The following DDIAS variants were observed in gnomAD, a reference collection of about 807,000 sequenced individuals.
DDIAS encodes DNA damage induced apoptosis suppressor, also known as DNA damage-induced apoptosis suppressor protein.
A neutral mutation model predicts 15.7 loss-of-function variants in DDIAS; 14 were observed. The observed-to-expected ratio is 0.89, with a 90% CI of 0.59 to 1.39. DDIAS has a LOEUF of 1.39. Ranked by LOEUF, DDIAS falls within the 40% of genes most tolerant of loss-of-function variation. The pLI, the probability that DDIAS is intolerant of heterozygous loss-of-function variation, is 0.00. For synonymous variants in DDIAS, 355 were observed against 395.9 expected (o/e 0.90, Z 1.23); for missense variants, 1,035 against 1,130.9 (o/e 0.92, Z 1.22).
At chr11:82,930,127 T>A (rs758111826) in intron 4 of DDIAS, 30 bp from the exon 5 acceptor site, 46 of 1,329,132 alleles carry the variant, frequency 3.5e-5, no homozygotes, top group Middle Eastern at 1.8e-4. Flanking sequence ...AGTTCATTGC[T>A]TCACATTTTT....
Position 82,932,298 on chromosome 11 carries a change from G to A in DDIAS, c.960G>A (p.Lys320=). ...GTAAAGAACTTGGCTTACAAGCTAAGGAGCTGAGTGCAGTTCACAGCAGTC... is the reference window on the plus strand; with the variant it reads ...GTAAAGAACTTGGCTTACAAGCTAAAGAGCTGAGTGCAGTTCACAGCAGTC... The part of the protein sequence containing the change: ...KLGKELGLQA[K]ELSAVHSSHH... The change falls in exon 6 of 6, where the codon AAG becomes AAA. Residue 320 remains lysine (K), a synonymous_variant. Transcript: ENST00000533655. 1 of 1,613,990 alleles carries A rather than the reference G, an allele frequency of 6.2e-7. No individual in the cohort carries two copies.
In DDIAS at chr11:82,933,896, T is replaced by C; in HGVS notation, c.2558T>C (p.Phe853Ser). The C allele has an allele frequency of 6.2e-7, 1 of 1,613,990 alleles. No individual in the cohort carries two copies. Among genetic ancestry groups the C allele is most frequent in the Non-Finnish European group, 8.5e-7 (1 of 1,180,006 alleles). The change falls in exon 6 of 6, where the codon TTT (phenylalanine) becomes TCT (serine). Residue 853 changes from phenylalanine (F) to serine (S), a missense_variant. Coordinates refer to ENST00000533655, the MANE Select transcript of DDIAS (RefSeq NM_145018.4). ...SQPDVFNHYPFAECHETDSDE... is the reference protein window; with the variant it reads ...SQPDVFNHYPSAECHETDSDE... ...CCAGACGTTTTCAATCACTACCCTT[T>C]TGCTGAGTGCCATGAAACTGATAGT...
chr11:82,929,441 C>T (rs1448274610), intron 4 of DDIAS, among the ~76,000 whole-genome samples: 2 of 152,196 alleles, frequency 1.3e-5, no homozygotes, highest in African/African-American at 2.4e-5. Context: ...CGGTAGCTCA[C>T]GCCTGTAATC....
intron 1 of DDIAS, among the ~76,000 whole-genome samples, chr11:82,909,776 G>GTA (rs772414265): frequency 1.3e-5 from 2 of 152,124 alleles, no homozygotes; most frequent in African/African-American, 4.8e-5. Flanking sequence ...CCTTACTAAT[G>GTA]TATATATAAG....
chr11:82,932,136 C>G lies in DDIAS; in HGVS notation c.798C>G (p.Ala266=). 3 of 1,614,138 alleles carry G rather than the reference C, an allele frequency of 1.9e-6. No homozygotes were observed. The highest frequency in any genetic ancestry group is 2.5e-6 in the Non-Finnish European group (3 of 1,180,016). The part of the protein sequence containing the change: ...DDFSASEQSK[A]FGTLQQNRKS... ...TTTCAGCTTCAGAACAAAGTAAGGCCTTTGGTACTCTTCAGCAGAACAGAA... is the reference window on the plus strand; with the variant it reads ...TTTCAGCTTCAGAACAAAGTAAGGCGTTTGGTACTCTTCAGCAGAACAGAA... Residue 266 remains alanine, a synonymous_variant, in exon 6 of 6, where the codon GCC becomes GCG. Transcript: ENST00000533655.
At position 82,932,599 on chromosome 11, in the gene DDIAS, A is replaced by C; in HGVS notation, c.1261A>C (p.Ser421Arg). The change falls in exon 6 of 6, where the codon AGC becomes CGC. Residue 421 changes from serine (S) to arginine (R), a missense_variant. Ser to Arg is a moderately radical substitution (Grantham distance 110). Transcript: ENST00000533655. ...QIWDDLPFSE[S>R]LNKFLAVLES... Reference sequence around the variant, plus strand: ...TTGGGATGATCTGCCATTCTCTGAAAGCCTGAACAAGTTTCTGGCAGTTCT... The same window carrying C: ...TTGGGATGATCTGCCATTCTCTGAACGCCTGAACAAGTTTCTGGCAGTTCT... 6.2e-7 allele frequency: 1 copy of C among 1,614,170 alleles called. No individual in the cohort carries two copies. The highest frequency in any genetic ancestry group is 8.5e-7 in the Non-Finnish European group (1 of 1,180,026).
Position 82,929,703 on chromosome 11 carries a change from CA to C in DDIAS, c.276-438del, listed in dbSNP as rs35770177. 8.4e-3 allele frequency among the ~76,000 whole-genome samples: 721 copies of C among 86,256 alleles called. 2 individuals are homozygous for C. The highest frequency in any genetic ancestry group is 0.022 in the African/African-American group (444 of 20,358). 56.6% of individuals were successfully genotyped at this position (86,256 alleles called of 152,430 possible). On this transcript the variant is annotated intron_variant, in intron 4 of 5. Coordinates refer to ENST00000533655, the MANE Select transcript of DDIAS (RefSeq NM_145018.4). ...TGGGAGACAGAGCGAGACTCTGTCT[CA>C]AAAAAAAAAAAAAAAGCTTTTCTTC...
intron 3 of DDIAS, among the ~76,000 whole-genome samples, chr11:82,922,437 T>C (rs1860773234): frequency 6.6e-6 from 1 of 152,190 alleles, no homozygotes; most frequent in African/African-American, 2.4e-5. Context: ...GTTTGTTGGA[T>C]TGGGTTAATT....
intron 2 of DDIAS, among the ~76,000 whole-genome samples, chr11:82,914,324 C>G (rs1353545259): frequency 1.3e-5 from 2 of 152,204 alleles, no homozygotes; most frequent in South Asian, 4.1e-4. Flanking sequence ...TGGTGGCACT[C>G]AAAACATTTC....
Position 82,933,817 on chromosome 11 carries a change from A to G in DDIAS, c.2479A>G (p.Ile827Val), listed in dbSNP as rs1861057034. Reference sequence around the variant, plus strand: ...AGCCAGCCCAAGCTGTCCAAAAAATATAAAAACACCTAGCCAGAAAATCAG... The same window carrying G: ...AGCCAGCCCAAGCTGTCCAAAAAATGTAAAAACACCTAGCCAGAAAATCAG... Reference protein sequence around the residue: ...QQASPSCPKNIKTPSQKIRSP... With the variant: ...QQASPSCPKNVKTPSQKIRSP... The change falls in exon 6 of 6, where the codon ATA becomes GTA. Residue 827 changes from isoleucine to valine, a missense_variant. Transcript: ENST00000533655. 9 of 1,613,388 alleles carry G rather than the reference A, an allele frequency of 5.6e-6. No homozygotes were observed. The highest frequency in any genetic ancestry group is 6.8e-6 in the Non-Finnish European group (8 of 1,179,892).
At chr11:82,917,255 A>G (rs1218348153) in intron 3 of DDIAS, among the ~76,000 whole-genome samples, 2 of 152,142 alleles carry the variant, frequency 1.3e-5, no homozygotes, top group Non-Finnish European at 2.9e-5. Context: ...TCACCCGAGC[A>G]GTATACACTG....
chr11:82,915,870 G>A (rs11821336), intron 3 of DDIAS, among the ~76,000 whole-genome samples: 11,963 of 152,174 alleles, frequency 0.079, 934 homozygotes, highest in African/African-American at 0.19. Flanking sequence ...GAAGCAGTGT[G>A]GTATACAGTC....
chr11:82,930,509 TTATTATA>T (rs772791811), intron 5 of DDIAS, among the ~76,000 whole-genome samples: 26 of 152,046 alleles, frequency 1.7e-4, no homozygotes, highest in Non-Finnish European at 2.6e-4. Flanking sequence ...AAATATAAAT[TTATTATA>T]TATTTAGAAA....
At chr11:82,903,423 A>G (rs186525881) in intron 1 of DDIAS, among the ~76,000 whole-genome samples, 148 of 152,342 alleles carry the variant, frequency 9.7e-4, no homozygotes, top group Non-Finnish European at 8.7e-4. Flanking sequence ...GAGTAGTACC[A>G]TTTACTGAGA....
chr11:82,933,566 G>C lies in DDIAS; in HGVS notation c.2228G>C (p.Arg743Thr). 1.2e-6 allele frequency: 2 copies of C among 1,613,962 alleles called. 1 individual carries two copies. The highest frequency in any genetic ancestry group is 2.2e-5 in the South Asian group (2 of 91,058). Residue 743 changes from arginine (R) to threonine (T), a missense_variant, in exon 6 of 6, where the codon AGG (arginine) becomes ACG (threonine). Coordinates refer to ENST00000533655, the MANE Select transcript of DDIAS (RefSeq NM_145018.4). ...KLSLQSLSDS[R>T]HSRTCSPTPH... ...TCCTTGCAAAGCCTATCTGACTCTA[G>C]GCATTCAAGAACATGCTCTCCAACA... is the stretch of plus-strand genomic sequence containing the variant.
In DDIAS at chr11:82,932,781, A is replaced by C; in HGVS notation, c.1443A>C (p.Ser481=). 2.5e-6 allele frequency: 4 copies of C among 1,613,962 alleles called. No homozygotes were observed. The highest frequency in any genetic ancestry group is 3.4e-6 in the Non-Finnish European group (4 of 1,180,010). The change falls in exon 6 of 6, where the codon TCA becomes TCC. Residue 481 remains serine (S), a synonymous_variant. Coordinates refer to ENST00000533655, the MANE Select transcript of DDIAS (RefSeq NM_145018.4). ...ALHTPPIALR[S]SQVIVKANCS... ...ATACACCACCTATAGCTTTAAGATCATCACAAGTAATAGTCAAAGCAAACT... is the reference window on the plus strand; with the variant it reads ...ATACACCACCTATAGCTTTAAGATCCTCACAAGTAATAGTCAAAGCAAACT...
At position 82,934,303 on chromosome 11, in the gene DDIAS, CG is replaced by C. The variant is rs761079772; in HGVS notation, c.2966del (p.Arg989GlnfsTer19). The C allele has an allele frequency of 6.2e-7, 1 of 1,600,460 alleles. No homozygotes were observed. The highest frequency in any genetic ancestry group is 8.5e-7 in the Non-Finnish European group (1 of 1,175,776). ...EKGPPSVCET[R>X]SAWSPELFS The stretch of plus-strand genomic sequence containing the variant: ...AGGCCCACCTTCAGTGTGTGAAACT[CG>C]AAGTGCTTGGTCACCTGAATTGTTT... On this transcript the variant is annotated frameshift_variant, in exon 6 of 6. Transcript: ENST00000533655. LOFTEE classifies it high-confidence loss of function.
In DDIAS at chr11:82,933,719, A is replaced by C; in HGVS notation, c.2381A>C (p.Lys794Thr). The C allele has an allele frequency of 6.2e-7, 1 of 1,613,160 alleles. No homozygotes were observed. The highest frequency in any genetic ancestry group is 1.1e-5 in the South Asian group (1 of 90,640). Residue 794 changes from lysine to threonine, a missense_variant, in exon 6 of 6, where the codon AAA (lysine) becomes ACA (threonine). Physicochemically the swap from Lys to Thr is moderately conservative, Grantham distance 78 (BLOSUM62 -1). Transcript: ENST00000533655. ...RIHGINRAFK[K>T]PVFYSDLDGN... ...CATGGGATAAACAGAGCTTTCAAAA[A>C]ACCTGTATTTTATTCAGATCTTGAT...
rs190571240 is a variant in DDIAS at position 82,910,714 on chromosome 11, C to G, written c.-116-2573C>G. Among the ~76,000 whole-genome samples, 754 of 149,210 alleles carry G rather than the reference C, an allele frequency of 5.1e-3. 2 individuals are homozygous for G. The highest frequency in any genetic ancestry group is 9.1e-3 in the Non-Finnish European group (616 of 67,788). On this transcript the variant is annotated intron_variant, in intron 1 of 5. Coordinates refer to ENST00000533655, the MANE Select transcript of DDIAS (RefSeq NM_145018.4). ...CACTTCAGTCTTTACCTCCTGGGCT[C>G]AGGTGATCCTCCCACCTCAGCCTCC... is the stretch of plus-strand genomic sequence containing the variant.
Sources: allele counts gnomAD v4.1 joint callset (sites outside exome capture counted in the v4.1 genomes callset), GRCh38; gene constraint gnomAD v4.1.1; transcripts MANE v1.5; gene names NCBI Gene and HGNC (gene_info 2026-07-23, HGNC 2026-07-21).